The following GLI2 variants were observed in gnomAD, a reference collection of about 807,000 sequenced individuals.
The protein encoded by GLI2 is transcription activator GLI2.
GLI2 carries 22 observed loss-of-function variants against 78.9 expected under a neutral mutation model. The ratio of observed to expected loss-of-function variants is 0.28; its 90% CI spans 0.20 to 0.40. The LOEUF is 0.40. GLI2 is among the 10% of genes least tolerant of loss of function. GLI2 has a pLI of 1.00. For synonymous variants in GLI2, 974 were observed against 963.7 expected (o/e 1.01, Z -0.20); for missense variants, 2,097 against 2,213.2 (o/e 0.95, Z 1.05).
intron 5 of GLI2, among the ~76,000 whole-genome samples, chr2:120,956,039 C>G (rs1251733749): frequency 3.9e-5 from 6 of 152,104 alleles, no homozygotes; most frequent in Non-Finnish European, 5.9e-5. Context: ...GGAGATGAGG[C>G]TGGGCAGAGG....
Position 120,927,467 on chromosome 2 carries a change from G to A in GLI2, c.254+1G>A, listed in dbSNP as rs1458149576. 3 of 1,600,628 alleles carry A rather than the reference G, an allele frequency of 1.9e-6. No individual in the cohort carries two copies. The highest frequency in any genetic ancestry group is 4.5e-5 in the East Asian group (2 of 44,816). ...CTCATTCTGTCCACGGTGTGCACGG[G>A]TAAGTCCTGCCCTCTGCCTGCTGCT... On this transcript the variant is annotated splice_donor_variant, in intron 3 of 13. Transcript: ENST00000361492. LOFTEE classifies it high-confidence loss of function.
chr2:120,940,930 C>G (rs1019386520), intron 3 of GLI2, among the ~76,000 whole-genome samples: 1 of 152,154 alleles, frequency 6.6e-6, no homozygotes, highest in African/African-American at 2.4e-5. Context: ...CCCCAGCTCC[C>G]CACACCTGCT....
chr2:120,797,842 C>T (rs1204165425), intron 2 of GLI2, among the ~76,000 whole-genome samples: 17 of 152,188 alleles, frequency 1.1e-4, no homozygotes, highest in Admixed American at 1.0e-3. Flanking sequence ...TCTTGCCCGC[C>T]AAGGACTGTT....
chr2:120,769,092 CT>C (rs1683451596), intron 1 of GLI2, among the ~76,000 whole-genome samples: 1 of 152,216 alleles, frequency 6.6e-6, no homozygotes. Context: ...GCAAGAGCAT[CT>C]CTGACAGGAA....
chr2:120,882,071 A>G (rs1046654670), intron 2 of GLI2, among the ~76,000 whole-genome samples: 2 of 152,134 alleles, frequency 1.3e-5, no homozygotes, highest in African/African-American at 4.8e-5. Context: ...TATAACTTGC[A>G]GATCAAACAA....
In GLI2 at chr2:120,982,898, G is replaced by A; in HGVS notation, c.1632+18G>A. The A allele has an allele frequency of 2.5e-6, 4 of 1,612,028 alleles. No individual in the cohort carries two copies. Among genetic ancestry groups the A allele is most frequent in the Non-Finnish European group, 3.4e-6 (4 of 1,178,674 alleles). The stretch of plus-strand genomic sequence containing the variant: ...CCAACGAGGTACCTCTGCGGGGCAT[G>A]CACTGGGCATGCACACTGGGGCCCC... On this transcript the variant is annotated intron_variant, in intron 11 of 13. Coordinates refer to ENST00000361492, the MANE Select transcript of GLI2 (RefSeq NM_001374353.1).
chr2:120,746,415 A>C (rs2104626977), intron 1 of GLI2, among the ~76,000 whole-genome samples: 1 of 152,290 alleles, frequency 6.6e-6, no homozygotes, highest in East Asian at 1.9e-4. Flanking sequence ...CCACCTGCCC[A>C]GCCAGAAAGT....
intron 1 of GLI2, among the ~76,000 whole-genome samples, chr2:120,738,144 T>C (rs920442100): frequency 6.6e-5 from 10 of 152,244 alleles, no homozygotes; most frequent in Non-Finnish European, 1.2e-4. Context: ...TATGCCTGGC[T>C]GCTTTGAGTT....
At chr2:120,888,791 G>C (rs1573543720) in intron 2 of GLI2, among the ~76,000 whole-genome samples, 1 of 152,188 alleles carries the variant, frequency 6.6e-6, no homozygotes, top group African/African-American at 2.4e-5. Context: ...CCAGTTCTGG[G>C]TCAGGACTCA....
chr2:120,846,016 T>C lies in GLI2; in HGVS notation c.148+48548T>C, dbSNP rs191004435. ...CAGGATCTGGGTCTGTAACTGGACA[T>C]CACTGGGGGCTCTGCCTTTCCCCAG... On this transcript the variant is annotated intron_variant, in intron 2 of 13. Coordinates refer to ENST00000361492, the MANE Select transcript of GLI2 (RefSeq NM_001374353.1). Among the ~76,000 whole-genome samples, 510 of 152,246 alleles carry C rather than the reference T, an allele frequency of 3.3e-3. 5 individuals carry two copies. Among genetic ancestry groups the C allele is most frequent in the African/African-American group, 0.012 (483 of 41,552 alleles).
chr2:120,813,114 G>A (rs1573416009), intron 2 of GLI2, among the ~76,000 whole-genome samples: 1 of 152,238 alleles, frequency 6.6e-6, no homozygotes, highest in Admixed American at 6.5e-5. Flanking sequence ...CCTGGCCAGC[G>A]CCTGAGCACC....
chr2:120,973,737 G>A (rs1682310765), intron 8 of GLI2, among the ~76,000 whole-genome samples: 1 of 152,216 alleles, frequency 6.6e-6, no homozygotes, highest in South Asian at 2.1e-4. Context: ...TGTACGACAT[G>A]TTGTTGCTTT....
chr2:120,788,623 C>T (rs1045665602), intron 1 of GLI2, among the ~76,000 whole-genome samples: 2 of 152,262 alleles, frequency 1.3e-5, no homozygotes, highest in African/African-American at 2.4e-5. Flanking sequence ...CCTGTTCCAG[C>T]CCAGCAAGTC....
At chr2:120,849,399 ATAGAATGAC>A (rs1433831430) in intron 2 of GLI2, among the ~76,000 whole-genome samples, 1 of 152,210 alleles carries the variant, frequency 6.6e-6, no homozygotes, top group African/African-American at 2.4e-5. Context: ...AACCTCCCAT[ATAGAATGAC>A]TAGAATCCAG....
chr2:120,806,609 G>A (rs1412708547), intron 2 of GLI2, among the ~76,000 whole-genome samples: 1 of 152,192 alleles, frequency 6.6e-6, no homozygotes, highest in Non-Finnish European at 1.5e-5. Flanking sequence ...TCCTGCGTGA[G>A]TCCATATGTC....
At chr2:120,980,335 T>C in intron 10 of GLI2, among the ~76,000 whole-genome samples, 1 of 152,234 alleles carries the variant, frequency 6.6e-6, no homozygotes, top group East Asian at 1.9e-4. Flanking sequence ...TCCTAGTGGG[T>C]ATAAAGTAGT....
At chr2:120,797,173 T>C in intron 1 of GLI2, 118 bp from the exon 2 acceptor site, 2 of 761,790 alleles carry the variant, frequency 2.6e-6, no homozygotes, top group South Asian at 2.9e-5. Flanking sequence ...TTCCCAATTA[T>C]AAGAGAATTA....
At position 120,988,876 on chromosome 2, in the gene GLI2, C is replaced by T; in HGVS notation, c.2911C>T (p.His971Tyr). 1 of 1,502,988 alleles carries T rather than the reference C, an allele frequency of 6.7e-7. No homozygotes were observed. The highest frequency in any genetic ancestry group is 8.9e-7 in the Non-Finnish European group (1 of 1,128,392). The allele number at this position is 1,502,988 out of a possible 1,614,324, so 93.1% of individuals were successfully genotyped here. Residue 971 changes from histidine to tyrosine, a missense_variant, in exon 14 of 14, where the codon CAC becomes TAC. By Grantham distance (83) the His-to-Tyr change is moderately conservative (BLOSUM62 2). Transcript: ENST00000361492. ...GTCCCTGCCGCGGGTGCAGCGCTTC[C>T]ACAGCACCCACAACGTGAACCCCGG... ...ALSLPRVQRFHSTHNVNPGPL... is the reference protein window; with the variant it reads ...ALSLPRVQRFYSTHNVNPGPL...
chr2:120,760,011 G>C (rs954535421), intron 1 of GLI2, among the ~76,000 whole-genome samples: 2 of 152,234 alleles, frequency 1.3e-5, no homozygotes, highest in Non-Finnish European at 2.9e-5. Flanking sequence ...TGAGAGCCCT[G>C]GGGGAGCTCT....
Sources: allele counts gnomAD v4.1 joint callset (sites outside exome capture counted in the v4.1 genomes callset), GRCh38; gene constraint gnomAD v4.1.1; transcripts MANE v1.5; gene names NCBI Gene and HGNC (gene_info 2026-07-23, HGNC 2026-07-21).